The following DLGAP1 variants were observed in gnomAD, a reference collection of about 807,000 sequenced individuals.
DLGAP1 encodes the protein DLG associated protein 1, also known as disks large-associated protein 1.
A neutral mutation model predicts 90.8 loss-of-function variants in DLGAP1; 11 were observed. The ratio of observed to expected loss-of-function variants is 0.12; its 90% confidence interval spans 0.08 to 0.20. DLGAP1 has a LOEUF of 0.20. DLGAP1 is among the 10% of genes least tolerant of loss of function. The pLI, the probability that DLGAP1 is intolerant of heterozygous loss-of-function variation, is 1.00. For missense variants in DLGAP1, 1,050 were observed against 1,333.8 expected (o/e 0.79, Z 3.31); for synonymous variants, 558 against 540.7 (o/e 1.03, Z -0.44).
At position 3,711,518 on chromosome 18, in the gene DLGAP1, CAG is replaced by C. The variant is rs1291290646; in HGVS notation, c.1591+17615_1591+17616del. Among the ~76,000 whole-genome samples, 1 of 152,208 alleles carries C rather than the reference CAG, an allele frequency of 6.6e-6. No homozygotes were observed. Among genetic ancestry groups the C allele is most frequent in the Non-Finnish European group, 1.5e-5 (1 of 68,048 alleles). On this transcript the variant is annotated intron_variant, in intron 7 of 12. Transcript: ENST00000315677. The surrounding 1 kb of genome is among the most constrained non-coding windows in gnomAD (Gnocchi z 4.0). ...GGCTCACGTATCCCACCCAGATCAT[CAG>C]CTGTGTTGACTGTGGTGAGGAATAA...
At chr18:4,258,124 G>A (rs1031257924) in intron 1 of DLGAP1, among the ~76,000 whole-genome samples, 2 of 151,590 alleles carry the variant, frequency 1.3e-5, no homozygotes, top group African/African-American at 4.9e-5. Flanking sequence ...CACGATCACA[G>A]CTCCTGGACT....
At chr18:3,680,637 A>C (rs2060478601) in intron 7 of DLGAP1, among the ~76,000 whole-genome samples, 1 of 151,984 alleles carries the variant, frequency 6.6e-6, no homozygotes, top group Admixed American at 6.5e-5. Flanking sequence ...AAATACAAAA[A>C]AATTAGCTGG....
intron 1 of DLGAP1, among the ~76,000 whole-genome samples, chr18:4,324,343 A>G (rs536918253): frequency 1.5e-4 from 22 of 151,436 alleles, no homozygotes; most frequent in Non-Finnish European, 2.9e-4. Context: ...GAATAGACCA[A>G]TAATGAACTC....
At chr18:3,758,644 T>C (rs182525612) in intron 5 of DLGAP1, among the ~76,000 whole-genome samples, 20 of 152,330 alleles carry the variant, frequency 1.3e-4, no homozygotes, top group Admixed American at 9.8e-4. Flanking sequence ...CTGCATGTCC[T>C]TCTTAACCTG....
intron 3 of DLGAP1, among the ~76,000 whole-genome samples, chr18:3,965,812 A>G (rs113673730): frequency 0.081 from 12,220 of 151,630 alleles, 740 homozygotes; most frequent in African/African-American, 0.17. Flanking sequence ...TCCAGGCGTG[A>G]TGGCATGCAC....
At chr18:4,241,370 C>T (rs955611463) in intron 1 of DLGAP1, among the ~76,000 whole-genome samples, 3 of 152,140 alleles carry the variant, frequency 2.0e-5, no homozygotes, top group Non-Finnish European at 2.9e-5. Context: ...AAACACACTT[C>T]GCTTACAGCA....
At chr18:4,333,508 A>T (rs957382780) in intron 1 of DLGAP1, among the ~76,000 whole-genome samples, 2 of 151,520 alleles carry the variant, frequency 1.3e-5, no homozygotes, top group Non-Finnish European at 2.9e-5. Flanking sequence ...ATTCGTGGTC[A>T]TTTGTTATAA....
intron 1 of DLGAP1, among the ~76,000 whole-genome samples, chr18:4,267,631 A>T (rs1457419286): frequency 6.6e-6 from 1 of 152,176 alleles, no homozygotes; most frequent in African/African-American, 2.4e-5. Flanking sequence ...AACAACACAC[A>T]TTTATTATCT....
intron 2 of DLGAP1, among the ~76,000 whole-genome samples, chr18:4,030,589 A>G (rs1232053693): frequency 6.6e-6 from 1 of 152,184 alleles, no homozygotes; most frequent in Non-Finnish European, 1.5e-5. Context: ...AAGTGGAGGT[A>G]GCTAGTTGGA....
At chr18:4,358,966 G>C (rs1190121331) in intron 1 of DLGAP1, among the ~76,000 whole-genome samples, 1 of 152,218 alleles carries the variant, frequency 6.6e-6, no homozygotes, top group Non-Finnish European at 1.5e-5. Context: ...TCCTTCTACT[G>C]CTTTAAAATG....
At chr18:3,993,174 C>T (rs2074002834) in intron 3 of DLGAP1, 1 of 151,824 alleles carries the variant, frequency 6.6e-6, no homozygotes. Flanking sequence ...GAACCCCCCT[C>T]TTGCACCGGC....
chr18:3,591,616 T>C (rs867703892), intron 7 of DLGAP1, among the ~76,000 whole-genome samples: 10 of 151,908 alleles, frequency 6.6e-5, no homozygotes, highest in Middle Eastern at 3.4e-3. Context: ...GGCGGGAGGA[T>C]TGCTGAAGCC....
chr18:4,133,902 A>T (rs960809785), intron 2 of DLGAP1, among the ~76,000 whole-genome samples: 1 of 151,996 alleles, frequency 6.6e-6, no homozygotes, highest in Non-Finnish European at 1.5e-5. Flanking sequence ...TTGGGGAAAA[A>T]CAACCAAGAC....
At chr18:4,206,364 T>C (rs2077720091) in intron 1 of DLGAP1, among the ~76,000 whole-genome samples, 1 of 152,068 alleles carries the variant, frequency 6.6e-6, no homozygotes, top group Non-Finnish European at 1.5e-5. Context: ...TGACTGAGTC[T>C]GGGTTTAAGG....
At chr18:4,079,635 A>G (rs928948082) in intron 2 of DLGAP1, among the ~76,000 whole-genome samples, 1 of 151,720 alleles carries the variant, frequency 6.6e-6, no homozygotes, top group African/African-American at 2.4e-5. Flanking sequence ...CTTCACCTCT[A>G]TGCAGTTCAT....
At chr18:3,838,377 T>C (rs2068523172) in intron 4 of DLGAP1, among the ~76,000 whole-genome samples, 1 of 152,238 alleles carries the variant, frequency 6.6e-6, no homozygotes, top group Non-Finnish European at 1.5e-5. Context: ...TCAGCAGTGG[T>C]AAAGCATCGT....
intron 1 of DLGAP1, among the ~76,000 whole-genome samples, chr18:4,346,423 G>T (rs1359778964): frequency 1.3e-5 from 2 of 152,298 alleles, no homozygotes; most frequent in Middle Eastern, 3.4e-3. Context: ...ATAAAGAGTA[G>T]TTATTTTATC....
In DLGAP1 at chr18:3,727,465, G is replaced by A. The variant is rs1006941941; in HGVS notation, c.1591+1670C>T. On this transcript the variant is annotated intron_variant, in intron 7 of 12. Coordinates refer to ENST00000315677, the MANE Select transcript of DLGAP1 (RefSeq NM_004746.4). This position sits in a 1 kb window ranked among gnomAD's most constrained non-coding sequence, Gnocchi z 4.7. ...CTTTCCTTCCCGACTGTTCTCCTGAGAGCACCCCTTGTGACTTCTGGGCCA... is the reference window on the plus strand; with the variant it reads ...CTTTCCTTCCCGACTGTTCTCCTGAAAGCACCCCTTGTGACTTCTGGGCCA... Among the ~76,000 whole-genome samples the A allele has an allele frequency of 6.6e-6, 1 of 152,138 alleles. No individual in the cohort carries two copies. Among genetic ancestry groups the A allele is most frequent in the Non-Finnish European group, 1.5e-5 (1 of 68,022 alleles).
chr18:4,406,275 G>A (rs1022440758), intron 1 of DLGAP1, among the ~76,000 whole-genome samples: 1 of 152,146 alleles, frequency 6.6e-6, no homozygotes, highest in African/African-American at 2.4e-5. Flanking sequence ...ATGCAGAAAG[G>A]GAGGGGAGTT....
Sources: gnomAD v4.1 joint callset for allele counts (sites outside exome capture counted in the v4.1 genomes callset) on GRCh38, gnomAD v4.1.1 for gene constraint, Gnocchi (gnomAD v3.1) non-coding constraint, MANE v1.5 for transcripts, NCBI Gene and HGNC (gene_info 2026-07-23, HGNC 2026-07-21) for gene names.